MYO1H: variants seen among roughly 807,000 people sequenced by gnomAD.
MYO1H encodes unconventional myosin-Ih.
A neutral mutation model predicts 149.3 loss-of-function variants in MYO1H; 118 were observed. That is an observed-to-expected ratio of 0.79 (90% confidence interval 0.68 to 0.92). The LOEUF (loss-of-function observed/expected upper bound fraction) is 0.92. MYO1H is among the 40% of genes least tolerant of loss of function. The pLI, the probability that MYO1H is intolerant of heterozygous loss-of-function variation, is 0.00. For missense variants in MYO1H, 1,212 were observed against 1,280.7 expected (o/e 0.95, Z 0.82); for synonymous variants, 447 against 465.2 (o/e 0.96, Z 0.50).
chr12:109,326,841 G>A, the MYO1H span, among the ~76,000 whole-genome samples: 5 of 152,040 alleles, frequency 3.3e-5, no homozygotes, highest in East Asian at 9.7e-4. Flanking sequence ...TTTGATGGGG[G>A]AATGGGCAAG....
intron 1 of MYO1H, among the ~76,000 whole-genome samples, chr12:109,374,930 C>CT (rs1869059097): frequency 6.6e-6 from 1 of 151,694 alleles, no homozygotes; most frequent in Admixed American, 6.6e-5. Context: ...TCTCGGCTCA[C>CT]TGCAACCTCC....
intron 3 of MYO1H, among the ~76,000 whole-genome samples, chr12:109,394,264 C>T (rs1212401686): frequency 6.6e-6 from 1 of 152,126 alleles, no homozygotes; most frequent in Non-Finnish European, 1.5e-5. Flanking sequence ...TCTGTAAAAA[C>T]AATCTGTTTA....
At chr12:109,358,719 C>T (rs1355810517) in intron 1 of MYO1H, among the ~76,000 whole-genome samples, 3 of 151,772 alleles carry the variant, frequency 2.0e-5, no homozygotes, top group Admixed American at 6.6e-5. Flanking sequence ...AGAGTAAAAG[C>T]GATACCATGA....
At chr12:109,311,837 C>A in the MYO1H span, among the ~76,000 whole-genome samples, 1 of 152,176 alleles carries the variant, frequency 6.6e-6, no homozygotes, top group Non-Finnish European at 1.5e-5. Context: ...TACCAGACCT[C>A]CGATTATACA....
the MYO1H span, among the ~76,000 whole-genome samples, chr12:109,334,602 G>A: frequency 7.2e-5 from 11 of 152,176 alleles, no homozygotes; most frequent in Non-Finnish European, 1.3e-4. Context: ...CTTCTCACAA[G>A]CTCAAGTTTC....
At chr12:109,447,224 C>T (rs748479498) in exon 32 of MYO1H, 21 of 1,564,730 alleles carry the variant, frequency 1.3e-5, no homozygotes, top group Middle Eastern at 1.7e-4. Flanking sequence ...ATTTTTGCTC[C>T]AACTGAGGAA....
chr12:109,319,479 A>G, the MYO1H span, among the ~76,000 whole-genome samples: 10 of 152,168 alleles, frequency 6.6e-5, no homozygotes, highest in African/African-American at 2.4e-4. Flanking sequence ...TTCAAGATGG[A>G]AAAACTTCTG....
intron 1 of MYO1H, among the ~76,000 whole-genome samples, chr12:109,349,885 C>T (rs904078640): frequency 2.7e-5 from 4 of 149,582 alleles, no homozygotes; most frequent in South Asian, 2.1e-4. Context: ...GGCGTGAACC[C>T]GGGAGGCAGA....
the MYO1H span, among the ~76,000 whole-genome samples, chr12:109,322,096 T>C: frequency 3.3e-5 from 5 of 152,328 alleles, no homozygotes; most frequent in Admixed American, 2.0e-4. Context: ...GAGCCAGATA[T>C]GAGCTGGCTC....
chr12:109,445,772 C>G (rs7969719), intron 31 of MYO1H, 160 bp downstream of exon 31: 2 of 985,058 alleles, frequency 2.0e-6, no homozygotes, highest in Non-Finnish European at 2.4e-6. Flanking sequence ...CAGGAAGAAA[C>G]TGATATAGAG....
At chr12:109,313,979 G>T in the MYO1H span, among the ~76,000 whole-genome samples, 1 of 151,894 alleles carries the variant, frequency 6.6e-6, no homozygotes. Flanking sequence ...CTGCCTCCCC[G>T]GTTCAAGTGA....
chr12:109,405,885 C>T (rs1474197199), intron 7 of MYO1H, 37 bp from the exon 8 acceptor site: 2 of 1,454,912 alleles, frequency 1.4e-6, no homozygotes, highest in Admixed American at 3.4e-5. Flanking sequence ...TTTCCCTGTC[C>T]TGATCTCCTG....
Position 109,402,649 on chromosome 12 carries a change from AAAAG to A in MYO1H, c.751-1326_751-1323del, listed in dbSNP as rs1414047065. ...ATAAGAAAAATGAAGGTAAATAGTG[AAAAG>A]AAAGAATCTCATAATCTAATTTTAT... is the stretch of plus-strand genomic sequence containing the variant. On this transcript the variant is annotated intron_variant, in intron 6 of 31. Transcript: ENST00000310903. Among the ~76,000 whole-genome samples, 3 of 152,216 alleles carry A rather than the reference AAAAG, an allele frequency of 2.0e-5. No individual in the cohort carries two copies. In the South Asian group the frequency reaches 6.2e-4, roughly 32 times the overall value.
At chr12:109,401,688 T>A (rs774352362) in intron 6 of MYO1H, among the ~76,000 whole-genome samples, 3 of 152,130 alleles carry the variant, frequency 2.0e-5, no homozygotes, top group Admixed American at 6.6e-5. Context: ...AGAAACTCAC[T>A]GTCCAACTAT....
At chr12:109,374,839 A>G (rs1362049583) in intron 1 of MYO1H, among the ~76,000 whole-genome samples, 1 of 149,978 alleles carries the variant, frequency 6.7e-6, no homozygotes, top group Admixed American at 6.7e-5. Context: ...TGCACATTTC[A>G]TATTTGTATT....
chr12:109,431,891 C>T (rs1021516183), intron 19 of MYO1H, among the ~76,000 whole-genome samples: 8 of 151,760 alleles, frequency 5.3e-5, no homozygotes, highest in South Asian at 2.1e-4. Context: ...CTGGAGTGCT[C>T]CCTGAAGCCT....
chr12:109,342,605 T>C, the MYO1H span, among the ~76,000 whole-genome samples: 1 of 148,224 alleles, frequency 6.7e-6, no homozygotes, highest in African/African-American at 2.5e-5. Context: ...TGCAGTGGTG[T>C]GAACATGGCT....
At chr12:109,428,810 A>G (rs12424599) in intron 19 of MYO1H, among the ~76,000 whole-genome samples, 29,995 of 151,986 alleles carry the variant, frequency 0.2, 3,669 homozygotes, top group East Asian at 0.35. Flanking sequence ...CCCCCCTCCA[A>G]ACATATACAC....
the MYO1H span, among the ~76,000 whole-genome samples, chr12:109,324,202 T>C: frequency 6.6e-6 from 1 of 152,172 alleles, no homozygotes; most frequent in African/African-American, 2.4e-5. Context: ...CTGACCAGAA[T>C]GCCTACAGGT....
Sources: gnomAD v4.1 joint callset for allele counts (sites outside exome capture counted in the v4.1 genomes callset) on GRCh38, gnomAD v4.1.1 for gene constraint, MANE v1.5 for transcripts, NCBI Gene and HGNC (gene_info 2026-07-23, HGNC 2026-07-21) for gene names.